The following GREB1 variants were observed in gnomAD, a reference collection of about 807,000 sequenced individuals.
GREB1 encodes protein GREB1.
In GREB1, 106 loss-of-function variants were observed where a neutral mutation model predicts 200.7. The ratio of observed to expected loss-of-function variants is 0.53; its 90% CI spans 0.45 to 0.62. The LOEUF is 0.62. Among genes scored for constraint, GREB1 ranks in the 20% least tolerant of loss-of-function variants. The pLI, the probability that GREB1 is intolerant of heterozygous loss-of-function variation, is 0.00. For synonymous variants in GREB1, 1,132 were observed against 1,092.4 expected, an observed-to-expected ratio of 1.04 and a Z score of -0.72; for missense variants, 2,243 against 2,556.8, an observed-to-expected ratio of 0.88 and a Z score of 2.65.
intron 1 of GREB1, among the ~76,000 whole-genome samples, chr2:11,524,050 C>T (rs560027746): frequency 7.2e-6 from 1 of 138,294 alleles, no homozygotes; most frequent in South Asian, 2.2e-4. Context: ...TGCATGCACA[C>T]TCACACACAC....
intron 2 of GREB1, among the ~76,000 whole-genome samples, chr2:11,557,548 C>T (rs747696982): frequency 2.0e-5 from 3 of 152,220 alleles, no homozygotes; most frequent in Admixed American, 6.5e-5. Flanking sequence ...TCTTGCTGTG[C>T]GTGAGTGTGT....
intron 23 of GREB1, among the ~76,000 whole-genome samples, chr2:11,624,223 C>T (rs774983182): frequency 4.6e-5 from 7 of 152,192 alleles, no homozygotes; most frequent in East Asian, 1.9e-4. Context: ...CTGACTCACC[C>T]GGAACAACTG....
At chr2:11,501,985 C>T (rs1318199057) in intron 1 of GREB1, among the ~76,000 whole-genome samples, 16 of 122,876 alleles carry the variant, frequency 1.3e-4, no homozygotes, top group Non-Finnish European at 2.1e-4. Flanking sequence ...GGTGCGATCT[C>T]GGCTCACTGC....
chr2:11,630,214 C>T, intron 26 of GREB1, 105 bp downstream of exon 26: 1 of 1,099,234 alleles, frequency 9.1e-7, no homozygotes, highest in East Asian at 2.5e-5. Context: ...GACACCGATA[C>T]AGGGACTGAA....
rs201058893 is a variant in GREB1, at chr2:11,538,642, T to C, written c.-162+4388T>C. On this transcript the variant is annotated intron_variant, in intron 1 of 32. Coordinates refer to ENST00000381486, the MANE Select transcript of GREB1 (RefSeq NM_014668.4). ...CTTTCTTTCTTTCTTTCTTTCTTTC[T>C]TTCTTTCTTTCTTTCTTTCTTTCTT... 8.3e-3 allele frequency among the ~76,000 whole-genome samples: 192 copies of C among 23,186 alleles called. 1 individual carries two copies. The highest frequency in any genetic ancestry group is 0.034 in the South Asian group (5 of 148). 15.2% of individuals were successfully genotyped at this position (23,186 alleles called of 152,430 possible). A position where few individuals can be genotyped will look rare whatever the true frequency, so the allele number is the denominator to read the frequency against.
At chr2:11,607,787 A>C (rs935347054) in intron 17 of GREB1, among the ~76,000 whole-genome samples, 1 of 152,110 alleles carries the variant, frequency 6.6e-6, no homozygotes. Flanking sequence ...CAAGTAACAG[A>C]AACTCAACTT....
intron 17 of GREB1, among the ~76,000 whole-genome samples, chr2:11,606,885 T>A (rs1292468500): frequency 1.3e-5 from 2 of 151,622 alleles, no homozygotes; most frequent in Non-Finnish European, 2.9e-5. Context: ...CGGGTTCAAG[T>A]GATTCTCCTG....
rs151098036 is a variant in GREB1 at position 11,588,812 on chromosome 2, C to T, written c.1226C>T (p.Thr409Met). Residue 409 changes from threonine to methionine, a missense_variant, in exon 10 of 33, where the codon ACG (threonine) becomes ATG (methionine). Physicochemically the swap from Thr to Met is moderately conservative, Grantham distance 81. Coordinates refer to ENST00000381486, the MANE Select transcript of GREB1 (RefSeq NM_014668.4). The stretch of plus-strand genomic sequence containing the variant: ...GTCGTGGTCAGCCCCCTCTTGTACA[C>T]GTGCTACCAGAATTCCCAGTCTGTC... ...NDVVVSPLLYTCYQNSQSVSR... is the reference protein window; with the variant it reads ...NDVVVSPLLYMCYQNSQSVSR... 2.8e-4 allele frequency: 456 copies of T among 1,614,106 alleles called. 2 individuals are homozygous for T. The highest frequency in any genetic ancestry group is 2.3e-4 in the Admixed American group (14 of 60,036).
chr2:11,498,542 G>A (rs1363172173), intron 1 of GREB1, among the ~76,000 whole-genome samples: 1 of 152,252 alleles, frequency 6.6e-6, no homozygotes, highest in Non-Finnish European at 1.5e-5. Flanking sequence ...GGACCACAAA[G>A]AGTGTTCAGC....
At chr2:11,507,142 C>T (rs929257211) in intron 1 of GREB1, among the ~76,000 whole-genome samples, 1 of 152,150 alleles carries the variant, frequency 6.6e-6, no homozygotes, top group Non-Finnish European at 1.5e-5. Flanking sequence ...TAACAGGTGG[C>T]TCACGCCTGT....
upstream of GREB1, among the ~76,000 whole-genome samples, chr2:11,530,547 C>CA (rs1218026130): frequency 4.8e-5 from 6 of 123,814 alleles, no homozygotes; most frequent in Admixed American, 1.0e-4. Context: ...AGCCTGAGGA[C>CA]AGAGCGAGAC....
At chr2:11,578,719 A>G (rs1187216476) in intron 6 of GREB1, among the ~76,000 whole-genome samples, 1 of 152,056 alleles carries the variant, frequency 6.6e-6, no homozygotes, top group Non-Finnish European at 1.5e-5. Context: ...CCCGCACAGC[A>G]TAGAGCTCTC....
chr2:11,519,038 A>C (rs1673612168), intron 1 of GREB1, among the ~76,000 whole-genome samples: 2 of 150,510 alleles, frequency 1.3e-5, no homozygotes. Context: ...CGGAGCTTGC[A>C]GTGAGCCGAG....
chr2:11,562,838 A>T (rs1053427046), intron 3 of GREB1: 14 of 329,896 alleles, frequency 4.2e-5, no homozygotes, highest in African/African-American at 3.0e-4. Flanking sequence ...GGACAGTCTC[A>T]ACTTTACCAG....
intron 2 of GREB1, among the ~76,000 whole-genome samples, chr2:11,557,211 A>G (rs751168820): frequency 1.3e-5 from 2 of 152,238 alleles, no homozygotes; most frequent in African/African-American, 2.4e-5. Flanking sequence ...AGCAAACATT[A>G]TAAATTTAAT....
chr2:11,485,271 ATGTATT>A (rs1318625013), intron 1 of GREB1, among the ~76,000 whole-genome samples: 6 of 87,752 alleles, frequency 6.8e-5, no homozygotes, highest in African/African-American at 2.7e-4. Context: ...ATATATATAT[ATGTATT>A]TTTTTTTTTT....
intron 1 of GREB1, among the ~76,000 whole-genome samples, chr2:11,518,880 C>T (rs1260952482): frequency 2.0e-5 from 3 of 150,896 alleles, no homozygotes; most frequent in Non-Finnish European, 4.4e-5. Flanking sequence ...GGGTGGATCA[C>T]GAGGTCAGGA....
chr2:11,614,805 C>T (rs940675733), intron 19 of GREB1, among the ~76,000 whole-genome samples: 3 of 150,910 alleles, frequency 2.0e-5, no homozygotes, highest in East Asian at 1.9e-4. Context: ...CCTTGTGATC[C>T]GCCCGCCTCG....
Position 11,593,024 on chromosome 2 carries a change from A to T in GREB1, c.1594A>T (p.Met532Leu), listed in dbSNP as rs553049977. The T allele has an allele frequency of 6.2e-7, 1 of 1,612,436 alleles. No homozygotes were observed. Among genetic ancestry groups the T allele is most frequent in the South Asian group, 1.1e-5 (1 of 90,730 alleles). Residue 532 changes from methionine (M) to leucine (L), a missense_variant, in exon 11 of 33, where the codon ATG becomes TTG. Physicochemically the swap from Met to Leu is conservative, Grantham distance 15. This residue lies in a region of GREB1 where 1,178 missense variants were observed against 1,387.4 expected (regional missense o/e 0.85). Transcript: ENST00000381486. ...CTCCCTGGCCGAGGGCCTCTCCGAG[A>T]TGTTCCGGCTGTTGGTCGAGGGCAA... ...AYSLAEGLSE[M>L]FRLLVEGKLA...
Sources: allele counts gnomAD v4.1 joint callset (sites outside exome capture counted in the v4.1 genomes callset), GRCh38; gene constraint gnomAD v4.1.1; regional missense constraint gnomAD v4.1.1; transcripts MANE v1.5; gene names NCBI Gene and HGNC (gene_info 2026-07-23, HGNC 2026-07-21).